The following ANLN variants were observed in gnomAD, a reference collection of about 807,000 sequenced individuals.
ANLN encodes anillin.
In ANLN, 59 loss-of-function variants were observed where a neutral mutation model predicts 135.1. The ratio of observed to expected loss-of-function variants is 0.44; its 90% CI spans 0.35 to 0.54. The LOEUF is 0.54. Ranked by LOEUF, ANLN falls within the 20% of genes least tolerant of loss-of-function variation. The probability of loss-of-function intolerance (pLI) is 0.00; values close to 1 mark genes in which losing one functional copy is unlikely to be tolerated. For missense variants in ANLN, 1,182 were observed against 1,340.0 expected (o/e 0.88, Z 1.84); for synonymous variants, 406 against 456.4 (o/e 0.89, Z 1.41).
At chr7:36,398,173 T>G (rs1202828750) in intron 2 of ANLN, among the ~76,000 whole-genome samples, 2 of 149,684 alleles carry the variant, frequency 1.3e-5, no homozygotes, top group Admixed American at 6.7e-5. Context: ...TCTGATAGAT[T>G]TTTTTTTTTT....
At chr7:36,439,027 A>C (rs779905312) in intron 20 of ANLN, among the ~76,000 whole-genome samples, 177 bp from the exon 21 acceptor site, 2 of 152,204 alleles carry the variant, frequency 1.3e-5, no homozygotes, top group African/African-American at 2.4e-5. Flanking sequence ...TTTATTCTTC[A>C]AAAGTATTTG....
chr7:36,433,453 ATTC>A (rs1788409142), intron 20 of ANLN, among the ~76,000 whole-genome samples: 1 of 149,830 alleles, frequency 6.7e-6, no homozygotes, highest in Non-Finnish European at 1.5e-5. Flanking sequence ...GCCAGCCATC[ATTC>A]TTTTCTGTTT....
chr7:36,390,174 C>A, intron 1 of ANLN, 130 bp downstream of exon 1: 1 of 1,518,308 alleles, frequency 6.6e-7, no homozygotes. Flanking sequence ...GCAGTGTGTG[C>A]GGGCCGGGGT....
chr7:36,403,886 C>T (rs1029204822), intron 3 of ANLN, among the ~76,000 whole-genome samples: 1 of 152,188 alleles, frequency 6.6e-6, no homozygotes, highest in East Asian at 1.9e-4. Context: ...GTCTTGAAGT[C>T]CTGAGCTCAA....
intron 12 of ANLN, 30 bp from the exon 13 acceptor site, chr7:36,421,827 T>C: frequency 6.4e-7 from 1 of 1,567,612 alleles, no homozygotes; most frequent in South Asian, 1.2e-5. Flanking sequence ...AAAATGTGTA[T>C]ATTTTTTCTC....
intron 2 of ANLN, among the ~76,000 whole-genome samples, chr7:36,397,203 T>C (rs1786744335): frequency 6.6e-6 from 1 of 152,178 alleles, no homozygotes; most frequent in South Asian, 2.1e-4. Context: ...TCAGTTATTT[T>C]GGAAGCTAAT....
At chr7:36,404,775 C>T (rs373883707) in intron 3 of ANLN, among the ~76,000 whole-genome samples, 24 of 152,172 alleles carry the variant, frequency 1.6e-4, no homozygotes, top group East Asian at 1.4e-3. Context: ...CTCCAGTAGT[C>T]GATCTGATAA....
intron 22 of ANLN, chr7:36,448,906 T>C (rs926513285): frequency 2.0e-5 from 3 of 152,242 alleles, no homozygotes; most frequent in Non-Finnish European, 4.4e-5. Flanking sequence ...ATTACTGTTA[T>C]CAGGTTGCCT....
chr7:36,428,634 A>C (rs142777999), intron 20 of ANLN, among the ~76,000 whole-genome samples: 63 of 152,130 alleles, frequency 4.1e-4, no homozygotes, highest in Non-Finnish European at 6.9e-4. Flanking sequence ...ATAGTTCATT[A>C]TAATCCTATA....
At position 36,452,700 on chromosome 7, in the gene ANLN, G is replaced by A. The variant is rs774918777; in HGVS notation, c.*100G>A. 2.0e-5 allele frequency: 29 copies of A among 1,422,284 alleles called. No individual in the cohort carries two copies. Among genetic ancestry groups the A allele is most frequent in the South Asian group, 1.3e-4 (10 of 78,502 alleles). 88.1% of individuals were successfully genotyped at this position (1,422,284 alleles called of 1,614,324 possible). A position where few individuals can be genotyped will look rare whatever the true frequency, so the allele number is the denominator to read the frequency against. ...TGATTGCATTTTATGCTTTAAGTAC[G>A]AAAGGGTTTGTGCCAATATTCACTA... is the stretch of plus-strand genomic sequence containing the variant. On this transcript the variant is annotated 3_prime_UTR_variant, in exon 24 of 24. Coordinates refer to ENST00000265748, the MANE Select transcript of ANLN (RefSeq NM_018685.5).
intron 20 of ANLN, among the ~76,000 whole-genome samples, chr7:36,434,050 C>T (rs971894259): frequency 6.6e-6 from 1 of 151,954 alleles, no homozygotes; most frequent in Non-Finnish European, 1.5e-5. Flanking sequence ...CCGTGTTTTC[C>T]TACTTTTTCA....
At chr7:36,435,382 TG>T (rs1327767710) in intron 20 of ANLN, among the ~76,000 whole-genome samples, 1 of 129,918 alleles carries the variant, frequency 7.7e-6, no homozygotes, top group Non-Finnish European at 1.7e-5. Context: ...AAAATAGAGA[TG>T]GTGGGGGGGG....
intron 20 of ANLN, among the ~76,000 whole-genome samples, chr7:36,430,672 T>C (rs1294136191): frequency 6.6e-5 from 10 of 152,186 alleles, no homozygotes; most frequent in East Asian, 1.9e-4. Context: ...AGTTTTGGGA[T>C]TGAAGAAAAT....
At chr7:36,395,611 C>T (rs1583589298) in intron 1 of ANLN, among the ~76,000 whole-genome samples, 1 of 152,106 alleles carries the variant, frequency 6.6e-6, no homozygotes, top group Non-Finnish European at 1.5e-5. Flanking sequence ...ATTATTTTGC[C>T]TACCATAGTG....
chr7:36,417,322 C>T, intron 9 of ANLN, 132 bp downstream of exon 9: 1 of 584,974 alleles, frequency 1.7e-6, no homozygotes, highest in Non-Finnish European at 3.0e-6. Context: ...TAGCTTCTAC[C>T]AAGATGTGGT....
intron 7 of ANLN, among the ~76,000 whole-genome samples, chr7:36,412,327 A>T (rs201047567): frequency 0.015 from 1,392 of 94,780 alleles, 39 homozygotes; most frequent in African/African-American, 0.035. Flanking sequence ...ATATATATAT[A>T]TTTTTTTTTT....
intron 8 of ANLN, 46 bp from the exon 9 acceptor site, chr7:36,417,034 A>G (rs766461195): frequency 6.0e-6 from 6 of 1,001,386 alleles, no homozygotes; most frequent in Non-Finnish European, 1.5e-6. Flanking sequence ...TTAGAAAATT[A>G]TAGGTTCTTA....
chr7:36,437,378 T>C (rs1788587184), intron 20 of ANLN, among the ~76,000 whole-genome samples: 1 of 152,242 alleles, frequency 6.6e-6, no homozygotes, highest in Non-Finnish European at 1.5e-5. Context: ...CCTTTTTCTA[T>C]GCTAAAGAAT....
chr7:36,414,884 T>A (rs1257682152), intron 7 of ANLN, among the ~76,000 whole-genome samples: 1 of 152,172 alleles, frequency 6.6e-6, no homozygotes, highest in East Asian at 1.9e-4. Context: ...ACTTAACTTT[T>A]TTGTGTCTCA....
Sources: allele counts gnomAD v4.1 joint callset (sites outside exome capture counted in the v4.1 genomes callset), GRCh38; gene constraint gnomAD v4.1.1; transcripts MANE v1.5; gene names NCBI Gene and HGNC (gene_info 2026-07-23, HGNC 2026-07-21).